PLXNA4: variants seen among roughly 807,000 people sequenced by gnomAD.
PLXNA4 encodes the protein plexin A4, also known as plexin-A4.
In PLXNA4, 44 loss-of-function variants were observed where a neutral mutation model predicts 191.8. The ratio of observed to expected loss-of-function variants is 0.23; its 90% CI spans 0.18 to 0.29. PLXNA4 has a LOEUF of 0.29. Among genes scored for constraint, PLXNA4 ranks in the 10% least tolerant of loss-of-function variants. The pLI is 1.00. For missense variants in PLXNA4, 1,800 were observed against 2,488.8 expected, an observed-to-expected ratio of 0.72 and a Z score of 5.89; for synonymous variants, 1,082 against 1,009.5, an observed-to-expected ratio of 1.07 and a Z score of -1.36.
At chr7:132,365,356 TGTGTGC>T (rs1190616367) in intron 3 of PLXNA4, among the ~76,000 whole-genome samples, 5 of 87,670 alleles carry the variant, frequency 5.7e-5, no homozygotes, top group African/African-American at 2.3e-4. Context: ...TGTGTGTGTG[TGTGTGC>T]GTGCGCGCGC....
intron 1 of PLXNA4, among the ~76,000 whole-genome samples, chr7:132,523,593 A>G (rs1424608073): frequency 6.6e-6 from 1 of 152,160 alleles, no homozygotes; most frequent in Non-Finnish European, 1.5e-5. Flanking sequence ...GCCATGAAAA[A>G]CTTCTAAGCA....
intron 1 of PLXNA4, among the ~76,000 whole-genome samples, chr7:132,566,300 T>C (rs1801720198): frequency 6.7e-6 from 1 of 149,650 alleles, no homozygotes; most frequent in African/African-American, 2.5e-5. Context: ...TCTCCCTCTC[T>C]CTCTCACACA....
chr7:132,291,002 C>T (rs1384051434), intron 4 of PLXNA4, among the ~76,000 whole-genome samples: 2 of 152,194 alleles, frequency 1.3e-5, no homozygotes, highest in Non-Finnish European at 2.9e-5. Context: ...TCCTCACTCA[C>T]TCCAGGAGAT....
At chr7:132,198,437 CCG>C (rs770256648) in intron 13 of PLXNA4, 46 bp downstream of exon 13, 1 of 1,593,328 alleles carries the variant, frequency 6.3e-7, no homozygotes, top group South Asian at 1.1e-5. Context: ...TAATACTAAC[CCG>C]TCTTCCCTCC....
chr7:132,400,546 A>G (rs940250923), intron 3 of PLXNA4, among the ~76,000 whole-genome samples: 2 of 152,170 alleles, frequency 1.3e-5, no homozygotes, highest in African/African-American at 4.8e-5. Context: ...AGCCTCAGAC[A>G]CGCTCACCCT....
At chr7:132,193,467 T>C (rs1325812734) in intron 14 of PLXNA4, among the ~76,000 whole-genome samples, 2 of 151,390 alleles carry the variant, frequency 1.3e-5, no homozygotes, top group Admixed American at 1.3e-4. Flanking sequence ...GGTGAAGGAG[T>C]AGTGTGAGGG....
intron 3 of PLXNA4, among the ~76,000 whole-genome samples, chr7:132,330,811 C>T (rs1035803456): frequency 6.6e-6 from 1 of 152,178 alleles, no homozygotes; most frequent in East Asian, 1.9e-4. Flanking sequence ...CCCTGTGCAC[C>T]ATGTATCCCT....
intron 1 of PLXNA4, among the ~76,000 whole-genome samples, chr7:132,527,871 C>T (rs1799468497): frequency 6.6e-6 from 1 of 152,172 alleles, no homozygotes. Context: ...AGCCTGCACA[C>T]AGAGGCACGA....
chr7:132,511,976 T>G (rs1266761746), intron 1 of PLXNA4, among the ~76,000 whole-genome samples: 1 of 152,166 alleles, frequency 6.6e-6, no homozygotes, highest in Non-Finnish European at 1.5e-5. Flanking sequence ...GTCCATCCCA[T>G]GCTCTTTCCA....
chr7:132,578,304 T>A (rs915886226), upstream of PLXNA4, among the ~76,000 whole-genome samples: 3 of 151,864 alleles, frequency 2.0e-5, no homozygotes, highest in Non-Finnish European at 4.4e-5. Context: ...TTCAGCAGAG[T>A]CCAGTAAGCA....
chr7:132,545,926 T>C (rs1474776409), intron 1 of PLXNA4, among the ~76,000 whole-genome samples: 1 of 152,222 alleles, frequency 6.6e-6, no homozygotes, highest in African/African-American at 2.4e-5. Flanking sequence ...CATTCAAGGC[T>C]AAGAAGAGGA....
At chr7:132,531,777 T>C (rs1192900564) in intron 1 of PLXNA4, among the ~76,000 whole-genome samples, 1 of 152,206 alleles carries the variant, frequency 6.6e-6, no homozygotes, top group African/African-American at 2.4e-5. Flanking sequence ...GAGTGCATTC[T>C]TGCCTGGAGT....
At chr7:132,552,514 T>C (rs577969786) in intron 1 of PLXNA4, among the ~76,000 whole-genome samples, 1 of 152,262 alleles carries the variant, frequency 6.6e-6, no homozygotes, top group East Asian at 1.9e-4. Context: ...GGGGTGGGAA[T>C]GGGGCAGCCC....
chr7:132,407,023 A>C (rs945954081), intron 3 of PLXNA4, among the ~76,000 whole-genome samples: 6 of 152,190 alleles, frequency 3.9e-5, no homozygotes, highest in Admixed American at 2.6e-4. Context: ...TCATCTCCCA[A>C]GTCCTCATCT....
In PLXNA4 at chr7:132,489,407, A is replaced by G. The variant is rs1381920399; in HGVS notation, c.1256T>C (p.Val419Ala). ...MNAPLGVSDM[V>A]RGIPVFTEDR... is the part of the protein sequence containing the mutation. ...CTCCGTGAAGACGGGAATTCCACGCACCATGTCGGACACTCCCAGGGGAGC... is the reference window on the plus strand; with the variant it reads ...CTCCGTGAAGACGGGAATTCCACGCGCCATGTCGGACACTCCCAGGGGAGC... The change falls in exon 3 of 32, where the codon GTG becomes GCG. Residue 419 changes from valine (V) to alanine (A), a missense_variant. Physicochemically the swap from Val to Ala is moderately conservative, Grantham distance 64. Transcript: ENST00000321063. 4 of 1,604,424 alleles carry G rather than the reference A, an allele frequency of 2.5e-6. No individual in the cohort carries two copies. The highest frequency in any genetic ancestry group is 3.4e-6 in the Non-Finnish European group (4 of 1,171,886).
intron 9 of PLXNA4, among the ~76,000 whole-genome samples, chr7:132,212,304 G>A (rs1797829446): frequency 1.3e-5 from 2 of 152,332 alleles, no homozygotes; most frequent in East Asian, 3.9e-4. Context: ...AGGCAGAAAG[G>A]AAGCCACTGG....
At chr7:132,133,010 C>G (rs377116495) in intron 31 of PLXNA4, 39 bp downstream of exon 31, 5 of 1,598,076 alleles carry the variant, frequency 3.1e-6, no homozygotes, top group Admixed American at 1.7e-5. Flanking sequence ...TTCTCTTCCC[C>G]CTTCCATCCC....
intron 1 of PLXNA4, among the ~76,000 whole-genome samples, chr7:132,541,318 A>T (rs934058646): frequency 6.6e-6 from 1 of 152,216 alleles, no homozygotes; most frequent in Admixed American, 6.5e-5. Flanking sequence ...TGCCCCACAA[A>T]CCATTAAGCT....
chr7:132,420,608 T>A (rs1476220666), intron 3 of PLXNA4, among the ~76,000 whole-genome samples: 1 of 152,222 alleles, frequency 6.6e-6, no homozygotes, highest in African/African-American at 2.4e-5. Context: ...TTTTAACAAT[T>A]TTTTTAAGTG....
Sources: gnomAD v4.1 joint callset for allele counts (sites outside exome capture counted in the v4.1 genomes callset) on GRCh38, gnomAD v4.1.1 for gene constraint, MANE v1.5 for transcripts, NCBI Gene and HGNC (gene_info 2026-07-23, HGNC 2026-07-21) for gene names.